Variants in MFAP3L observed in about 807,000 individuals in gnomAD.
MFAP3L encodes the protein microfibril associated protein 3 like.
A neutral mutation model predicts 20.0 loss-of-function variants in MFAP3L; 5 were observed. That is an observed-to-expected ratio of 0.25 (90% CI 0.13 to 0.53). The LOEUF (loss-of-function observed/expected upper bound fraction) is 0.53, where lower values mean the gene tolerates loss of function less well. Ranked by LOEUF, MFAP3L falls within the 20% of genes least tolerant of loss-of-function variation. The pLI is 0.96. For synonymous variants in MFAP3L, 219 were observed against 213.0 expected (o/e 1.03, Z -0.25); for missense variants, 409 against 527.5 (o/e 0.78, Z 2.20).
Position 169,992,405 on chromosome 4 carries a change from A to C in MFAP3L, c.299-96T>G. 1 of 1,110,990 alleles carries C rather than the reference A, an allele frequency of 9.0e-7. No individual in the cohort carries two copies. 68.8% of individuals were successfully genotyped at this position (1,110,990 alleles called of 1,614,324 possible). On this transcript the variant is annotated intron_variant, in intron 2 of 2. Coordinates refer to ENST00000361618, the MANE Select transcript of MFAP3L (RefSeq NM_021647.8). This position sits in a 1 kb window ranked among gnomAD's most constrained non-coding sequence, Gnocchi z 4.3. ...TAAGAACATCTATGAACATCTATGAAGAACATCTATGAAGTCTATGAACGT... is the reference window on the plus strand; with the variant it reads ...TAAGAACATCTATGAACATCTATGACGAACATCTATGAAGTCTATGAACGT...
At position 169,992,429 on chromosome 4, in the gene MFAP3L, G is replaced by A; in HGVS notation, c.299-120C>T. 6 of 869,390 alleles carry A rather than the reference G, an allele frequency of 6.9e-6. No homozygotes were observed. The highest frequency in any genetic ancestry group is 2.5e-5 in the East Asian group (1 of 39,492). 53.9% of individuals were successfully genotyped at this position (869,390 alleles called of 1,614,324 possible). A position where few individuals can be genotyped will look rare whatever the true frequency, so the allele number is the denominator to read the frequency against. On this transcript the variant is annotated intron_variant, in intron 2 of 2. Coordinates refer to ENST00000361618, the MANE Select transcript of MFAP3L (RefSeq NM_021647.8). The surrounding 1 kb of genome is among the most constrained non-coding windows in gnomAD (Gnocchi z 4.3). The stretch of plus-strand genomic sequence containing the variant: ...AAGAACATCTATGAAGTCTATGAAC[G>A]TCGACTTCACATGCTTACTATGCGG...
Position 170,017,868 on chromosome 4 carries a change from C to A in MFAP3L, c.-134+8366G>T, listed in dbSNP as rs115993418. ...TTTGATGGAAAGGGGCCCTGTTAGG[C>A]TGAGCACACTTTCCAGGTGATCTCT... is the stretch of plus-strand genomic sequence containing the variant. On this transcript the variant is annotated intron_variant, in intron 1 of 2. Coordinates refer to ENST00000361618, the MANE Select transcript of MFAP3L (RefSeq NM_021647.8). Among the ~76,000 whole-genome samples, 728 of 152,248 alleles carry A rather than the reference C, an allele frequency of 4.8e-3. 7 individuals carry two copies. The highest frequency in any genetic ancestry group is 0.016 in the African/African-American group (680 of 41,534).
rs1737528752 is a variant in MFAP3L at position 169,989,754 on chromosome 4, C to T, written c.*1624G>A. On this transcript the variant is annotated 3_prime_UTR_variant, in exon 3 of 3. Coordinates refer to ENST00000361618, the MANE Select transcript of MFAP3L (RefSeq NM_021647.8). ...CCCCATTACCTGATGTGGCCACGGC[C>T]CCTATGAATTTATTAAGATTACTGT... The T allele has an allele frequency of 6.6e-6, 1 of 152,068 alleles. No individual in the cohort carries two copies. The highest frequency in any genetic ancestry group is 2.4e-5 in the African/African-American group (1 of 41,410). 9.4% of individuals were successfully genotyped at this position (152,068 alleles called of 1,614,324 possible).
rs564336226 is a variant in MFAP3L at position 170,014,498 on chromosome 4, T to C, written c.-133-8488A>G. 1.1e-3 allele frequency among the ~76,000 whole-genome samples: 171 copies of C among 152,282 alleles called. 1 individual carries two copies. The highest frequency in any genetic ancestry group is 3.9e-3 in the African/African-American group (163 of 41,552). Reference sequence around the variant, plus strand: ...GATGCCATGTATCAGGGAGGTGCTTTATGGAGGTGCTGATCCCTGGCTGCC... The same window carrying C: ...GATGCCATGTATCAGGGAGGTGCTTCATGGAGGTGCTGATCCCTGGCTGCC... On this transcript the variant is annotated intron_variant, in intron 1 of 2. Transcript: ENST00000361618.
intron 1 of MFAP3L, among the ~76,000 whole-genome samples, chr4:170,014,750 C>T (rs1266081030): frequency 6.6e-6 from 1 of 152,196 alleles, no homozygotes; most frequent in African/African-American, 2.4e-5. Context: ...CTTCTCAATT[C>T]CTACCTCTCC....
chr4:170,007,708 T>G (rs1156471157), intron 1 of MFAP3L, among the ~76,000 whole-genome samples: 1 of 152,194 alleles, frequency 6.6e-6, no homozygotes, highest in African/African-American at 2.4e-5. Flanking sequence ...CTGGGTCCTT[T>G]GCAGGGGCTC....
Position 169,991,933 on chromosome 4 carries a change from G to A in MFAP3L, c.675C>T (p.Phe225=), listed in dbSNP as rs763014531. The change falls in exon 3 of 3, where the codon TTC becomes TTT. Residue 225 remains phenylalanine (F), a synonymous_variant. Transcript: ENST00000361618. The surrounding 1 kb of genome is among the most constrained non-coding windows in gnomAD (Gnocchi z 4.9). ...TGTAGCGGGCGAACTCCATGGTTTT[G>A]AACTGGGTGACTTTGGCAAGCTCTA... ...KTLELAKVTQ[F]KTMEFARYIE... is the part of the protein sequence containing the mutation. The A allele has an allele frequency of 6.2e-7, 1 of 1,614,186 alleles. No homozygotes were observed.
In MFAP3L at chr4:169,991,197, T is replaced by C. The variant is rs1737635796; in HGVS notation, c.*181A>G. 1.6e-6 allele frequency: 1 copy of C among 641,372 alleles called. No homozygotes were observed. The highest frequency in any genetic ancestry group is 2.7e-6 in the Non-Finnish European group (1 of 375,622). The allele number at this position is 641,372 out of a possible 1,614,324, so 39.7% of individuals were successfully genotyped here. A position where few individuals can be genotyped will look rare whatever the true frequency, so the allele number is the denominator to read the frequency against. On this transcript the variant is annotated 3_prime_UTR_variant, in exon 3 of 3. Transcript: ENST00000361618. This position sits in a 1 kb window ranked among gnomAD's most constrained non-coding sequence, Gnocchi z 4.9. ...CACCCTGATGTTTCTCGCACCCTTC[T>C]CTACTGGGGAAATTCCAGTCCCATT...
intron 1 of MFAP3L, among the ~76,000 whole-genome samples, chr4:170,013,107 C>T (rs1739485572): frequency 6.6e-6 from 1 of 152,098 alleles, no homozygotes; most frequent in Admixed American, 6.6e-5. Flanking sequence ...TATTAAGAAA[C>T]TATTCTTGAA....
At chr4:170,016,539 C>T (rs1394590814) in intron 1 of MFAP3L, among the ~76,000 whole-genome samples, 1 of 152,224 alleles carries the variant, frequency 6.6e-6, no homozygotes, top group Non-Finnish European at 1.5e-5. Context: ...TTTGTCTTTA[C>T]AGCATTAACT....
At chr4:170,019,373 T>C (rs1017774979) in intron 1 of MFAP3L, among the ~76,000 whole-genome samples, 4 of 151,918 alleles carry the variant, frequency 2.6e-5, no homozygotes, top group African/African-American at 9.7e-5. Flanking sequence ...ATAGCAAGAC[T>C]TCATGTCTAC....
rs72972980 is a variant in MFAP3L at position 170,017,152 on chromosome 4, T to C, written c.-134+9082A>G. ...TGTTTGAAAAGATGCACTCAATAAC[T>C]GGAGAGGGTAGTTAAATAGCATTTC... On this transcript the variant is annotated intron_variant, in intron 1 of 2. Coordinates refer to ENST00000361618, the MANE Select transcript of MFAP3L (RefSeq NM_021647.8). Among the ~76,000 whole-genome samples the C allele has an allele frequency of 4.1e-3, 623 of 152,278 alleles. 8 individuals carry two copies. Among genetic ancestry groups the C allele is most frequent in the African/African-American group, 0.013 (553 of 41,566 alleles).
Position 169,992,379 on chromosome 4 carries a change from C to T in MFAP3L, c.299-70G>A. 7.8e-7 allele frequency: 1 copy of T among 1,289,114 alleles called. No homozygotes were observed. The highest frequency in any genetic ancestry group is 2.1e-5 in the Admixed American group (1 of 46,734). The allele number at this position is 1,289,114 out of a possible 1,614,324, so 79.9% of individuals were successfully genotyped here. A position where few individuals can be genotyped will look rare whatever the true frequency, so the allele number is the denominator to read the frequency against. On this transcript the variant is annotated intron_variant, in intron 2 of 2. Transcript: ENST00000361618. The surrounding 1 kb of genome is among the most constrained non-coding windows in gnomAD (Gnocchi z 4.3). ...CCCATGACTACAAACTGATACGTTT[C>T]TAAGAACATCTATGAACATCTATGA...
intron 2 of MFAP3L, among the ~76,000 whole-genome samples, chr4:169,995,819 C>T (rs1309717178): frequency 6.6e-6 from 1 of 152,184 alleles, no homozygotes; most frequent in African/African-American, 2.4e-5. Context: ...AGCTGCATTG[C>T]TTCAGCACAA....
intron 1 of MFAP3L, among the ~76,000 whole-genome samples, chr4:170,008,149 G>A (rs752318209): frequency 2.0e-5 from 3 of 152,058 alleles, no homozygotes; most frequent in South Asian, 2.1e-4. Flanking sequence ...ATCTAGTTCC[G>A]TTAGAGACCT....
chr4:170,016,775 A>T (rs1394197787), intron 1 of MFAP3L, among the ~76,000 whole-genome samples: 1 of 152,230 alleles, frequency 6.6e-6, no homozygotes, highest in Non-Finnish European at 1.5e-5. Flanking sequence ...TTTCTTAGAC[A>T]GTTCTGGAAA....
rs1738983122 is a variant in MFAP3L at position 170,005,680 on chromosome 4, A to C, written c.198T>G (p.Ile66Met). 2 of 1,614,248 alleles carry C rather than the reference A, an allele frequency of 1.2e-6. No homozygotes were observed. Among genetic ancestry groups the C allele is most frequent in the Admixed American group, 1.7e-5 (1 of 60,032 alleles). The change falls in exon 2 of 3, where the codon ATT (isoleucine) becomes ATG (methionine). Residue 66 changes from isoleucine to methionine, a missense_variant. This residue lies in a region of MFAP3L where 113 missense variants were observed against 131.1 expected (regional missense o/e 0.86). Coordinates refer to ENST00000361618, the MANE Select transcript of MFAP3L (RefSeq NM_021647.8). The stretch of plus-strand genomic sequence containing the variant: ...CAGGGATGCCATAAACACTACAGTT[A>C]ATCAAGGCACTGTTCCCTTCCTTGA... ...IIVKEGNSAL[I>M]NCSVYGIPDP...
Position 170,005,585 on chromosome 4 carries a change from C to T in MFAP3L, c.293G>A (p.Gly98Glu). 1 of 1,613,580 alleles carries T rather than the reference C, an allele frequency of 6.2e-7. No individual in the cohort carries two copies. Among genetic ancestry groups the T allele is most frequent in the South Asian group, 1.1e-5 (1 of 91,078 alleles). ...GATACAACTTTAAAGCCTACCTCCT[C>T]CTCTCTCCTTCTCATCCTCTTCTTC... ...LKEEEDEKER[G>E]GGKWQMHDSG... The change falls in exon 2 of 3, where the codon GGA (glycine) becomes GAA (glutamate). Residue 98 changes from glycine (G) to glutamate (E), a missense_variant. By Grantham distance (98) the Gly-to-Glu change is moderately conservative. Around this residue, in one of 3 missense-constraint regions of MFAP3L, gnomAD observed 113 missense variants for 131.1 expected, o/e 0.86. Coordinates refer to ENST00000361618, the MANE Select transcript of MFAP3L (RefSeq NM_021647.8).
chr4:170,024,231 G>A (rs923659627), intron 1 of MFAP3L, among the ~76,000 whole-genome samples: 1 of 152,184 alleles, frequency 6.6e-6, no homozygotes, highest in Non-Finnish European at 1.5e-5. Context: ...CAGTATGTAA[G>A]TAAGTCTTTG....
Sources: allele counts gnomAD v4.1 joint callset (sites outside exome capture counted in the v4.1 genomes callset), GRCh38; gene constraint gnomAD v4.1.1; regional missense constraint gnomAD v4.1.1; non-coding constraint Gnocchi (gnomAD v3.1); transcripts MANE v1.5; gene names NCBI Gene and HGNC (gene_info 2026-07-23, HGNC 2026-07-21).